Variants in TRMU observed in about 807,000 individuals in gnomAD.
TRMU encodes mitochondrial tRNA-specific 2-thiouridylase 1.
Under a neutral mutation model 46.9 loss-of-function variants are expected in TRMU, and 49 were observed. That is an observed-to-expected ratio of 1.05 (90% CI 0.83 to 1.33). The LOEUF (loss-of-function observed/expected upper bound fraction) is 1.33. Ranked by LOEUF, TRMU falls within the 40% of genes most tolerant of loss-of-function variation. TRMU has a pLI of 0.00. For synonymous variants in TRMU, 241 were observed against 200.9 expected, an observed-to-expected ratio of 1.20 and a Z score of -1.69; for missense variants, 572 against 532.4, an observed-to-expected ratio of 1.07 and a Z score of -0.73.
Position 46,355,446 on chromosome 22 carries a change from CCCCCGGACAGACCACCCAG to C in TRMU, c.880_898del (p.Arg294CysfsTer6), listed in dbSNP as rs774153227. 3 of 1,612,942 alleles carry C rather than the reference CCCCCGGACAGACCACCCAG, an allele frequency of 1.9e-6. No individual in the cohort carries two copies. The highest frequency in any genetic ancestry group is 2.5e-6 in the Non-Finnish European group (3 of 1,179,902). Reference sequence around the variant, plus strand: ...CACCTTCACATTCCATTCTGCAGGCCCCCCGGACAGACCACCCAGCCCTGTACAGGGACCTGCTGAGGAC... The same window carrying C: ...CACCTTCACATTCCATTCTGCAGGCCCCCTGTACAGGGACCTGCTGAGGAC... On this transcript the variant is annotated frameshift_variant, in exon 9 of 11. Coordinates refer to ENST00000645190, the MANE Select transcript of TRMU (RefSeq NM_018006.5). LOFTEE classifies it high-confidence loss of function.
chr22:46,336,108 T>G lies in TRMU; in HGVS notation c.82+262T>G. 1 of 1,339,984 alleles carries G rather than the reference T, an allele frequency of 7.5e-7. No homozygotes were observed. Among genetic ancestry groups the G allele is most frequent in the South Asian group, 1.7e-5 (1 of 60,042 alleles). 83.0% of individuals were successfully genotyped at this position (1,339,984 alleles called of 1,614,324 possible). A position where few individuals can be genotyped will look rare whatever the true frequency, so the allele number is the denominator to read the frequency against. ...TCCACCCACGCGCGCCCACCCACAG[T>G]GAGAAGCCGGCGGGCCGGGGTGGGG... On this transcript the variant is annotated intron_variant, in intron 1 of 10. Transcript: ENST00000645190. This position sits in a 1 kb window ranked among gnomAD's most constrained non-coding sequence, Gnocchi z 4.1.
chr22:46,357,289 C>T lies in TRMU; in HGVS notation c.*283C>T, dbSNP rs894773855. ...CCCACCTCAGAGTACACCGAGGGGACCTGCAGAGGGGGCTGTCGGGACAGC... is the reference window on the plus strand; with the variant it reads ...CCCACCTCAGAGTACACCGAGGGGATCTGCAGAGGGGGCTGTCGGGACAGC... On this transcript the variant is annotated 3_prime_UTR_variant, in exon 11 of 11. Coordinates refer to ENST00000645190, the MANE Select transcript of TRMU (RefSeq NM_018006.5). 7 of 544,194 alleles carry T rather than the reference C, an allele frequency of 1.3e-5. No homozygotes were observed. The African/African-American group carries it at 1.3e-4, about 10-fold the overall frequency. The allele number at this position is 544,194 out of a possible 1,614,324, so 33.7% of individuals were successfully genotyped here.
Position 46,340,891 on chromosome 22 carries a change from C to T in TRMU, c.249-2371C>T, listed in dbSNP as rs370242547. ...CCATCTCTGGGGCTGCCCCCGAGGT[C>T]GCCCCTGGCTCCAGCCAGCCTGCCC... On this transcript the variant is annotated intron_variant, in intron 2 of 10. Coordinates refer to ENST00000645190, the MANE Select transcript of TRMU (RefSeq NM_018006.5). Among the ~76,000 whole-genome samples, 27 of 152,372 alleles carry T rather than the reference C, an allele frequency of 1.8e-4. No homozygotes were observed. In the South Asian group the frequency reaches 2.1e-3, roughly 12 times the overall value.
chr22:46,336,268 T>A lies in TRMU; in HGVS notation c.82+422T>A. 6.7e-6 allele frequency: 3 copies of A among 449,646 alleles called. No individual in the cohort carries two copies. The highest frequency in any genetic ancestry group is 9.2e-6 in the Non-Finnish European group (3 of 327,100). The allele number at this position is 449,646 out of a possible 1,614,324, so 27.9% of individuals were successfully genotyped here. ...CACGCTGTGGCCGCCCGGTGGGAGG[T>A]CCTTGTCCTCCCCACTCAGCAGACT... On this transcript the variant is annotated intron_variant, in intron 1 of 10. Transcript: ENST00000645190. The surrounding 1 kb of genome is among the most constrained non-coding windows in gnomAD (Gnocchi z 4.1).
intron 1 of TRMU, among the ~76,000 whole-genome samples, chr22:46,337,383 CTT>C (rs776327550): frequency 6.6e-6 from 1 of 152,192 alleles, no homozygotes; most frequent in Non-Finnish European, 1.5e-5. Context: ...TATCTGATCA[CTT>C]AGAATCTAAG....
At chr22:46,343,875 G>A (rs1483160822) in intron 3 of TRMU, among the ~76,000 whole-genome samples, 1 of 151,986 alleles carries the variant, frequency 6.6e-6, no homozygotes, top group Non-Finnish European at 1.5e-5. Flanking sequence ...GTGTTGCTAC[G>A]AGATACCATT....
At position 46,336,453 on chromosome 22, in the gene TRMU, C is replaced by T. The variant is rs1569058342; in HGVS notation, c.82+607C>T. The T allele has an allele frequency of 6.6e-6, 1 of 152,422 alleles. No individual in the cohort carries two copies. Among genetic ancestry groups the T allele is most frequent in the African/African-American group, 2.4e-5 (1 of 41,448 alleles). The allele number at this position is 152,422 out of a possible 1,614,324, so 9.4% of individuals were successfully genotyped here. On this transcript the variant is annotated intron_variant, in intron 1 of 10. Coordinates refer to ENST00000645190, the MANE Select transcript of TRMU (RefSeq NM_018006.5). The surrounding 1 kb of genome is among the most constrained non-coding windows in gnomAD (Gnocchi z 4.1). ...CTCGGGCCCGGCGCTGAAATGAGCACTTGTTTAACTTCACCTGTGTGGCTC... is the reference window on the plus strand; with the variant it reads ...CTCGGGCCCGGCGCTGAAATGAGCATTTGTTTAACTTCACCTGTGTGGCTC...
In TRMU at chr22:46,347,202, G is replaced by A. The variant is rs771985493; in HGVS notation, c.478+658G>A. On this transcript the variant is annotated intron_variant, in intron 4 of 10. Transcript: ENST00000645190. The surrounding 1 kb of genome is among the most constrained non-coding windows in gnomAD (Gnocchi z 5.0). ...AGCCGTGTTTCCGCACGGAGCGTCC[G>A]TCCATCAGTGGGGACCCCTGAAGGG... 9.2e-5 allele frequency among the ~76,000 whole-genome samples: 14 copies of A among 152,274 alleles called. No homozygotes were observed. Among genetic ancestry groups the A allele is most frequent in the East Asian group, 1.9e-4 (1 of 5,184 alleles).
chr22:46,335,978 C>G (rs2077964210), intron 1 of TRMU, 132 bp downstream of exon 1: 1 of 1,467,146 alleles, frequency 6.8e-7, no homozygotes, highest in African/African-American at 1.4e-5. Flanking sequence ...CAGGAGGATA[C>G]CCCGTCCTCT....
In TRMU at chr22:46,351,991, C is replaced by A; in HGVS notation, c.652-130C>A. The A allele has an allele frequency of 9.8e-7, 1 of 1,021,960 alleles. No individual in the cohort carries two copies. The highest frequency in any genetic ancestry group is 1.5e-6 in the Non-Finnish European group (1 of 651,576). 63.3% of individuals were successfully genotyped at this position (1,021,960 alleles called of 1,614,324 possible). A position where few individuals can be genotyped will look rare whatever the true frequency, so the allele number is the denominator to read the frequency against. ...GGCGGCCGAGGGTGCCGGTGGGCAG[C>A]CGGGCCCCTACCCTGGAAGCAAAGT... is the stretch of plus-strand genomic sequence containing the variant. On this transcript the variant is annotated intron_variant, in intron 5 of 10. Coordinates refer to ENST00000645190, the MANE Select transcript of TRMU (RefSeq NM_018006.5). This position sits in a 1 kb window ranked among gnomAD's most constrained non-coding sequence, Gnocchi z 6.4.
In TRMU at chr22:46,337,803, T is replaced by G; in HGVS notation, c.107T>G (p.Met36Arg). Reference sequence around the variant, plus strand: ...GGTTACCAGGTGACAGGGGTGTTTATGAAGAACTGGGACTCACTGGATGAA... The same window carrying G: ...GGTTACCAGGTGACAGGGGTGTTTAGGAAGAACTGGGACTCACTGGATGAA... The part of the protein sequence containing the change: ...RRGYQVTGVF[M>R]KNWDSLDEHG... The change falls in exon 2 of 11, where the codon ATG becomes AGG. Residue 36 changes from methionine to arginine, a missense_variant. Transcript: ENST00000645190. The G allele has an allele frequency of 1.2e-6, 2 of 1,614,236 alleles. No individual in the cohort carries two copies. The highest frequency in any genetic ancestry group is 1.7e-6 in the Non-Finnish European group (2 of 1,180,040).
chr22:46,342,222 A>G lies in TRMU; in HGVS notation c.249-1040A>G, dbSNP rs2078140544. On this transcript the variant is annotated intron_variant, in intron 2 of 10. Coordinates refer to ENST00000645190, the MANE Select transcript of TRMU (RefSeq NM_018006.5). This position sits in a 1 kb window ranked among gnomAD's most constrained non-coding sequence, Gnocchi z 4.7. ...CTGGCTTCCAGTTGGGATTCCCATAACTTCCTCTTTGGGTTCAATTATTAA... is the reference window on the plus strand; with the variant it reads ...CTGGCTTCCAGTTGGGATTCCCATAGCTTCCTCTTTGGGTTCAATTATTAA... Among the ~76,000 whole-genome samples, 1 of 152,178 alleles carries G rather than the reference A, an allele frequency of 6.6e-6. No individual in the cohort carries two copies. Among genetic ancestry groups the G allele is most frequent in the African/African-American group, 2.4e-5 (1 of 41,438 alleles).
In TRMU at chr22:46,349,759, T is replaced by C. The variant is rs2078357675; in HGVS notation, c.479-532T>C. 6.6e-6 allele frequency among the ~76,000 whole-genome samples: 1 copy of C among 152,146 alleles called. No individual in the cohort carries two copies. The highest frequency in any genetic ancestry group is 1.5e-5 in the Non-Finnish European group (1 of 68,028). ...CTGAGACTCTCAACAAAAAAACGTTTTTACCAAGAAAGCTAATGCCTTCAC... is the reference window on the plus strand; with the variant it reads ...CTGAGACTCTCAACAAAAAAACGTTCTTACCAAGAAAGCTAATGCCTTCAC... On this transcript the variant is annotated intron_variant, in intron 4 of 10. Transcript: ENST00000645190. This position sits in a 1 kb window ranked among gnomAD's most constrained non-coding sequence, Gnocchi z 4.6.
chr22:46,355,888 G>A, intron 9 of TRMU, 102 bp from the exon 10 acceptor site: 1 of 1,347,006 alleles, frequency 7.4e-7, no homozygotes, highest in East Asian at 2.4e-5. Flanking sequence ...CCTCTAAGCA[G>A]GGGTTTTTGA....
Position 46,337,943 on chromosome 22 carries a change from A to G in TRMU, c.247A>G (p.Ser83Gly). 2 of 1,614,132 alleles carry G rather than the reference A, an allele frequency of 1.2e-6. No individual in the cohort carries two copies. Among genetic ancestry groups the G allele is most frequent in the Non-Finnish European group, 1.7e-6 (2 of 1,179,984 alleles). ...AAAGGAGTATTGGAATGATGTGTTC[A>G]GGTGAGTGCGGGTCACAGCACAAAG... Reference protein sequence around the residue: ...YVKEYWNDVFSDFLNEYEKGR... With the variant: ...YVKEYWNDVFGDFLNEYEKGR... The change falls in exon 2 of 11, where the codon AGT (serine) becomes GGT (glycine). Residue 83 changes from serine (S) to glycine (G), a missense_variant and splice_region_variant. Ser to Gly is a moderately conservative substitution (Grantham distance 56). Coordinates refer to ENST00000645190, the MANE Select transcript of TRMU (RefSeq NM_018006.5).
Position 46,336,643 on chromosome 22 carries a change from G to A in TRMU, c.82+797G>A, listed in dbSNP as rs2077986504. 1 of 152,288 alleles carries A rather than the reference G, an allele frequency of 6.6e-6. No homozygotes were observed. Among genetic ancestry groups the A allele is most frequent in the South Asian group, 2.1e-4 (1 of 4,832 alleles). 9.4% of individuals were successfully genotyped at this position (152,288 alleles called of 1,614,324 possible). On this transcript the variant is annotated intron_variant, in intron 1 of 10. Coordinates refer to ENST00000645190, the MANE Select transcript of TRMU (RefSeq NM_018006.5). The surrounding 1 kb of genome is among the most constrained non-coding windows in gnomAD (Gnocchi z 4.1). ...ATTAGATGACATAGTACATACTGAT[G>A]AGTACGTGCTCAGCACATACGAGGT...
chr22:46,357,222 G>A lies in TRMU; in HGVS notation c.*216G>A. ...GCTGCTGGAGCATCTGCTGGCTGGT[G>A]GGGTGGCCCGAGTTCCCCTTCACCG... On this transcript the variant is annotated 3_prime_UTR_variant, in exon 11 of 11. Transcript: ENST00000645190. The A allele has an allele frequency of 3.1e-6, 2 of 654,664 alleles. No individual in the cohort carries two copies. Among genetic ancestry groups the A allele is most frequent in the Non-Finnish European group, 5.2e-6 (2 of 384,296 alleles). The allele number at this position is 654,664 out of a possible 1,614,324, so 40.6% of individuals were successfully genotyped here. A position where few individuals can be genotyped will look rare whatever the true frequency, so the allele number is the denominator to read the frequency against.
rs1426038532 is a variant in TRMU at position 46,338,229 on chromosome 22, G to C, written c.248+285G>C. 2 of 422,372 alleles carry C rather than the reference G, an allele frequency of 4.7e-6. No homozygotes were observed. Among genetic ancestry groups the C allele is most frequent in the Non-Finnish European group, 8.9e-6 (2 of 224,028 alleles). 26.2% of individuals were successfully genotyped at this position (422,372 alleles called of 1,614,324 possible). ...TTGAGCTGTTTCTGTTGCCCAGTTA[G>C]GATAGGGGAGCTAAGGCTGAGGGCT... On this transcript the variant is annotated intron_variant, in intron 2 of 10. Transcript: ENST00000645190. The surrounding 1 kb of genome is among the most constrained non-coding windows in gnomAD (Gnocchi z 4.5).
At chr22:46,335,874 G>A in intron 1 of TRMU, 28 bp downstream of exon 1, 21 of 1,532,588 alleles carry the variant, frequency 1.4e-5, no homozygotes, top group Admixed American at 2.0e-5. Context: ...CCCGCCCCCC[G>A]CCGAGCGAAT....
Sources: gnomAD v4.1 joint callset for allele counts (sites outside exome capture counted in the v4.1 genomes callset) on GRCh38, gnomAD v4.1.1 for gene constraint, Gnocchi (gnomAD v3.1) non-coding constraint, MANE v1.5 for transcripts, NCBI Gene and HGNC (gene_info 2026-07-23, HGNC 2026-07-21) for gene names.